PGR: variants seen among roughly 807,000 people sequenced by gnomAD.
The protein encoded by PGR is nuclear receptor subfamily 3 group C member 3.
A neutral mutation model predicts 76.1 loss-of-function variants in PGR; 25 were observed. That is an observed-to-expected ratio of 0.33 (90% CI 0.24 to 0.46). The LOEUF is 0.46. Among genes scored for constraint, PGR ranks in the 20% least tolerant of loss-of-function variants. The probability of loss-of-function intolerance (pLI) is 1.00; values close to 1 mark genes in which losing one functional copy is unlikely to be tolerated. For synonymous variants in PGR, 579 were observed against 535.0 expected, an observed-to-expected ratio of 1.08 and a Z score of -1.14; for missense variants, 1,172 against 1,225.3, an observed-to-expected ratio of 0.96 and a Z score of 0.65.
At chr11:101,068,218 A>G (rs552900011) in intron 3 of PGR, among the ~76,000 whole-genome samples, 1 of 152,242 alleles carries the variant, frequency 6.6e-6, no homozygotes, top group African/African-American at 2.4e-5. Context: ...TCATTCCTAT[A>G]CACCAATAAT....
intron 6 of PGR, among the ~76,000 whole-genome samples, chr11:101,043,947 AT>A (rs1859779153): frequency 6.6e-6 from 1 of 152,184 alleles, no homozygotes; most frequent in Admixed American, 6.5e-5. Flanking sequence ...AGGCCTTAGG[AT>A]CTTCAGAATG....
intron 3 of PGR, among the ~76,000 whole-genome samples, chr11:101,067,705 G>A (rs561377299): frequency 5.3e-5 from 8 of 152,118 alleles, no homozygotes; most frequent in Non-Finnish European, 1.2e-4. Context: ...TCAAGTGGAA[G>A]TACATGTCAA....
chr11:101,092,005 G>C lies in PGR; in HGVS notation c.1790-129C>G, dbSNP rs12288041. The C allele has an allele frequency of 3.2e-3, 2,219 of 686,300 alleles. 32 individuals carry two copies. The African/African-American group carries it at 0.035, about 11-fold the overall frequency. The allele number at this position is 686,300 out of a possible 1,614,324, so 42.5% of individuals were successfully genotyped here. ...CATGACTCAGCCAGCTTCCTGCCTG[G>C]CACAGCTGAATGTTGGTGAAGCTAT... On this transcript the variant is annotated intron_variant, in intron 2 of 7. Coordinates refer to ENST00000325455, the MANE Select transcript of PGR (RefSeq NM_000926.4).
In PGR at chr11:101,068,383, GA is replaced by G. The variant is rs549203790; in HGVS notation, c.1907-5632del. Among the ~76,000 whole-genome samples, 409 of 152,126 alleles carry G rather than the reference GA, an allele frequency of 2.7e-3. 2 individuals are homozygous for G. Among genetic ancestry groups the G allele is most frequent in the African/African-American group, 9.3e-3 (385 of 41,504 alleles). Reference sequence around the variant, plus strand: ...AAGGAAATCAGGGCACAAACAAATGGAAAAACATTCCATATTCATAGATAGG... The same window carrying G: ...AAGGAAATCAGGGCACAAACAAATGGAAAACATTCCATATTCATAGATAGG... On this transcript the variant is annotated intron_variant, in intron 3 of 7. Coordinates refer to ENST00000325455, the MANE Select transcript of PGR (RefSeq NM_000926.4).
At position 101,128,544 on chromosome 11, in the gene PGR, G is replaced by C. The variant is rs1862973035; in HGVS notation, c.527C>G (p.Ser176Cys). The C allele has an allele frequency of 1.9e-6, 3 of 1,599,588 alleles. No individual in the cohort carries two copies. The highest frequency in any genetic ancestry group is 2.6e-6 in the Non-Finnish European group (3 of 1,176,342). Reference protein sequence around the residue: ...SRSGCKVGDSSGTAAAHKVLP... With the variant: ...SRSGCKVGDSCGTAAAHKVLP... Reference sequence around the variant, plus strand: ...CACTTTATGGGCAGCTGCCGTCCCGGAGCTGTCTCCAACCTTGCACCCGGA... The same window carrying C: ...CACTTTATGGGCAGCTGCCGTCCCGCAGCTGTCTCCAACCTTGCACCCGGA... Residue 176 changes from serine to cysteine, a missense_variant, in exon 1 of 8, where the codon TCC becomes TGC. Ser to Cys is a moderately radical substitution (Grantham distance 112). Around this residue, in one of 4 missense-constraint regions of PGR, gnomAD observed 893 missense variants for 785.9 expected, o/e 1.14. Transcript: ENST00000325455.
chr11:101,100,028 G>T (rs954942412), intron 2 of PGR, among the ~76,000 whole-genome samples: 2 of 152,266 alleles, frequency 1.3e-5, no homozygotes, highest in Non-Finnish European at 1.5e-5. Flanking sequence ...CTTAGAAGAG[G>T]ATTTGTAAAT....
At chr11:101,059,305 A>G (rs541298418) in intron 4 of PGR, among the ~76,000 whole-genome samples, 1 of 152,038 alleles carries the variant, frequency 6.6e-6, no homozygotes, top group African/African-American at 2.4e-5. Flanking sequence ...ACATAACACT[A>G]TAGTTGTTTG....
At chr11:101,060,708 CTT>C (rs895285329) in intron 4 of PGR, among the ~76,000 whole-genome samples, 11 of 152,106 alleles carry the variant, frequency 7.2e-5, no homozygotes, top group African/African-American at 2.7e-4. Context: ...CCACAAGAGA[CTT>C]TGATAATCTC....
Position 101,125,991 on chromosome 11 carries a change from G to A in PGR, c.1789+16C>T, listed in dbSNP as rs935242823. 2 of 1,611,296 alleles carry A rather than the reference G, an allele frequency of 1.2e-6. No homozygotes were observed. Among genetic ancestry groups the A allele is most frequent in the Non-Finnish European group, 1.7e-6 (2 of 1,177,536 alleles). On this transcript the variant is annotated intron_variant, in intron 2 of 7. Coordinates refer to ENST00000325455, the MANE Select transcript of PGR (RefSeq NM_000926.4). ...CAATTAAACCAATAATAAAGGATCA[G>A]GGGAAAGGAGCCTACCTTCCATTGC... is the stretch of plus-strand genomic sequence containing the variant.
At chr11:101,126,311 A>G (rs1278279988) in intron 1 of PGR, among the ~76,000 whole-genome samples, 153 bp from the exon 2 acceptor site, 1 of 152,236 alleles carries the variant, frequency 6.6e-6, no homozygotes, top group Admixed American at 6.5e-5. Flanking sequence ...AAACTTGGTA[A>G]TAGACTATCC....
rs1039668333 is a variant in PGR, at chr11:101,035,301, G to C, written c.*3815C>G. 4.4e-6 allele frequency: 1 copy of C among 228,480 alleles called. No homozygotes were observed. The highest frequency in any genetic ancestry group is 2.2e-5 in the African/African-American group (1 of 45,120). 14.2% of individuals were successfully genotyped at this position (228,480 alleles called of 1,614,324 possible). The stretch of plus-strand genomic sequence containing the variant: ...TGCACATGGCTCTGGAGTTGTAAAA[G>C]TTTTTAAAATGATTCATATTCTATC... On this transcript the variant is annotated 3_prime_UTR_variant, in exon 8 of 8. Coordinates refer to ENST00000325455, the MANE Select transcript of PGR (RefSeq NM_000926.4).
chr11:101,101,642 C>T (rs1019294941), intron 2 of PGR, among the ~76,000 whole-genome samples: 5 of 152,258 alleles, frequency 3.3e-5, no homozygotes, highest in Admixed American at 3.3e-4. Context: ...CATGCTTCCA[C>T]CAAAACAACA....
intron 2 of PGR, among the ~76,000 whole-genome samples, chr11:101,099,652 G>A (rs1861937064): frequency 6.6e-6 from 1 of 152,182 alleles, no homozygotes; most frequent in Non-Finnish European, 1.5e-5. Context: ...CAGAAGCAGA[G>A]GGTCACGGTC....
rs147344829 is a variant in PGR at position 101,058,310 on chromosome 11, T to G, written c.2212+4137A>C. The stretch of plus-strand genomic sequence containing the variant: ...CTTTATCAACACATTTATTAAGGCC[T>G]TTACTCTCAGTATGCTACTCTCATT... On this transcript the variant is annotated intron_variant, in intron 4 of 7. Transcript: ENST00000325455. 1.6e-3 allele frequency among the ~76,000 whole-genome samples: 251 copies of G among 152,270 alleles called. 1 individual carries two copies. The highest frequency in any genetic ancestry group is 5.8e-3 in the African/African-American group (239 of 41,550).
chr11:101,061,560 A>G (rs1860498996), intron 4 of PGR, among the ~76,000 whole-genome samples: 1 of 152,196 alleles, frequency 6.6e-6, no homozygotes, highest in Non-Finnish European at 1.5e-5. Context: ...CTTGGGGACT[A>G]AAAGGACATA....
rs967336385 is a variant in PGR, at chr11:101,129,742, G to T, written c.-672C>A. The T allele has an allele frequency of 2.8e-5, 5 of 180,192 alleles. No individual in the cohort carries two copies. The highest frequency in any genetic ancestry group is 1.2e-4 in the African/African-American group (5 of 42,360). 11.2% of individuals were successfully genotyped at this position (180,192 alleles called of 1,614,324 possible). ...TTCACTCAAATGACAAGTGAAGCTA[G>T]TTCTCATTGAGAATGCCACCCACAC... On this transcript the variant is annotated 5_prime_UTR_variant, in exon 1 of 8. Coordinates refer to ENST00000325455, the MANE Select transcript of PGR (RefSeq NM_000926.4).
chr11:101,086,310 T>A (rs1308658927), intron 3 of PGR, among the ~76,000 whole-genome samples: 1 of 149,022 alleles, frequency 6.7e-6, no homozygotes, highest in African/African-American at 2.4e-5. Flanking sequence ...TAAATATGAT[T>A]TACCACATGA....
At position 101,082,469 on chromosome 11, in the gene PGR, C is replaced by T. The variant is rs1446911496; in HGVS notation, c.1906+9291G>A. 2.0e-5 allele frequency among the ~76,000 whole-genome samples: 3 copies of T among 152,142 alleles called. 1 individual carries two copies. The highest frequency in any genetic ancestry group is 2.0e-4 in the Admixed American group (3 of 15,274). ...CAGAAAGATATGGGAATGTTTGGAA[C>T]TTCCTGGAGACTTGTTGAATGGTTG... On this transcript the variant is annotated intron_variant, in intron 3 of 7. Coordinates refer to ENST00000325455, the MANE Select transcript of PGR (RefSeq NM_000926.4).
At chr11:101,113,951 C>T (rs1449279126) in intron 2 of PGR, among the ~76,000 whole-genome samples, 1 of 147,720 alleles carries the variant, frequency 6.8e-6, no homozygotes, top group Non-Finnish European at 1.5e-5. Context: ...CTTTCATCCG[C>T]CCCCCCATCC....
Sources: allele counts gnomAD v4.1 joint callset (sites outside exome capture counted in the v4.1 genomes callset), GRCh38; gene constraint gnomAD v4.1.1; regional missense constraint gnomAD v4.1.1; transcripts MANE v1.5; gene names NCBI Gene and HGNC (gene_info 2026-07-23, HGNC 2026-07-21).